Variants in PCDHGA2 observed in about 807,000 individuals in gnomAD.
The protein encoded by PCDHGA2 is protocadherin gamma-A2.
A neutral mutation model predicts 59.2 loss-of-function variants in PCDHGA2; 40 were observed. The ratio of observed to expected loss-of-function variants is 0.68; its 90% CI spans 0.52 to 0.88. The LOEUF is 0.88. PCDHGA2 is among the 40% of genes least tolerant of loss of function. The pLI is 0.00. For synonymous variants in PCDHGA2, 560 were observed against 526.0 expected, an observed-to-expected ratio of 1.06 and a Z score of -0.89; for missense variants, 1,226 against 1,204.0, an observed-to-expected ratio of 1.02 and a Z score of -0.27.
chr5:141,398,747 A>G (rs1046077050), intron 1 of PCDHGA2: 5 of 1,613,378 alleles, frequency 3.1e-6, no homozygotes, highest in Non-Finnish European at 4.2e-6. Flanking sequence ...CAACAGAGTT[A>G]CCATCGTTTA....
chr5:141,484,750 G>GTATA (rs545232987), intron 1 of PCDHGA2, among the ~76,000 whole-genome samples: 1 of 149,818 alleles, frequency 6.7e-6, no homozygotes, highest in Non-Finnish European at 1.5e-5. Context: ...GAAAAAAAAT[G>GTATA]TATATATATA....
intron 1 of PCDHGA2, chr5:141,478,884 C>T (rs767294994): frequency 9.2e-5 from 110 of 1,194,180 alleles, no homozygotes; most frequent in Non-Finnish European, 1.2e-4. Context: ...AGCTTGGTAT[C>T]ATTTACATTA....
chr5:141,485,886 A>G lies in PCDHGA2; in HGVS notation c.2425-8921A>G. 1.9e-6 allele frequency: 3 copies of G among 1,614,132 alleles called. No individual in the cohort carries two copies. Among genetic ancestry groups the G allele is most frequent in the Non-Finnish European group, 2.5e-6 (3 of 1,180,016 alleles). On this transcript the variant is annotated intron_variant, in intron 1 of 3. Transcript: ENST00000394576. This position sits in a 1 kb window ranked among gnomAD's most constrained non-coding sequence, Gnocchi z 5.7. ...GTATCCGTGCTGGACGTAAACGACAACGCCCCAGCCTTCCAGCAATCCAGC... is the reference window on the plus strand; with the variant it reads ...GTATCCGTGCTGGACGTAAACGACAGCGCCCCAGCCTTCCAGCAATCCAGC...
intron 1 of PCDHGA2, among the ~76,000 whole-genome samples, chr5:141,480,875 T>C (rs1285607270): frequency 6.6e-6 from 1 of 152,062 alleles, no homozygotes; most frequent in African/African-American, 2.4e-5. Context: ...TGAAACCCCG[T>C]CTCTACTAAA....
Position 141,469,573 on chromosome 5 carries a change from C to CTAAA in PCDHGA2, c.2425-25217_2425-25214dup, listed in dbSNP as rs1209972534. Among the ~76,000 whole-genome samples the CTAAA allele has an allele frequency of 1.4e-4, 21 of 151,674 alleles. No individual in the cohort carries two copies. In the East Asian group the frequency reaches 2.3e-3, roughly 17 times the overall value. On this transcript the variant is annotated intron_variant, in intron 1 of 3. Coordinates refer to ENST00000394576, the MANE Select transcript of PCDHGA2 (RefSeq NM_018915.4). ...CTGGCGACAGAGTGAGACTCTGTCT[C>CTAAA]TAAATAAATAAATAAATAAAACAAA...
chr5:141,417,833 G>A (rs968698994), intron 1 of PCDHGA2: 8 of 1,529,614 alleles, frequency 5.2e-6, no homozygotes, highest in Middle Eastern at 1.7e-4. Context: ...TGGAAAAGCG[G>A]GGACCCAGCG....
At position 141,511,426 on chromosome 5, in the gene PCDHGA2, G is replaced by C. The variant is rs2099883789; in HGVS notation, c.*253G>C. 2.5e-6 allele frequency: 2 copies of C among 798,652 alleles called. No homozygotes were observed. The highest frequency in any genetic ancestry group is 3.8e-6 in the Non-Finnish European group (2 of 529,972). 49.5% of individuals were successfully genotyped at this position (798,652 alleles called of 1,614,324 possible). ...CAACTGCTGTACCCATGGGGGTAGTGGGGTTACTGTAGACACCAAGAACCA... is the reference window on the plus strand; with the variant it reads ...CAACTGCTGTACCCATGGGGGTAGTCGGGTTACTGTAGACACCAAGAACCA... On this transcript the variant is annotated 3_prime_UTR_variant, in exon 4 of 4. Transcript: ENST00000394576.
chr5:141,389,356 C>A (rs188323445), intron 1 of PCDHGA2: 4 of 1,613,916 alleles, frequency 2.5e-6, no homozygotes, highest in Non-Finnish European at 3.4e-6. Flanking sequence ...TGCATCATGG[C>A]CAGTGACCTG....
chr5:141,357,110 C>T (rs570147053), intron 1 of PCDHGA2: 1 of 1,613,828 alleles, frequency 6.2e-7, no homozygotes, highest in East Asian at 2.2e-5. Flanking sequence ...GACAGAGACG[C>T]GCTCAAGCAG....
rs185786686 is a variant in PCDHGA2 at position 141,384,098 on chromosome 5, A to G, written c.2424+42703A>G. 9.4e-3 allele frequency: 14,953 copies of G among 1,596,884 alleles called. 110 individuals carry two copies. The highest frequency in any genetic ancestry group is 0.01 in the Non-Finnish European group (12,057 of 1,171,020). On this transcript the variant is annotated intron_variant, in intron 1 of 3. Transcript: ENST00000394576. ...TTTAAATTAGAAAAATCAATAGATA[A>G]TTATTATAGATTGGTCACAACCAAA... is the stretch of plus-strand genomic sequence containing the variant.
At chr5:141,466,022 T>C (rs1053231186) in intron 1 of PCDHGA2, among the ~76,000 whole-genome samples, 4 of 151,628 alleles carry the variant, frequency 2.6e-5, no homozygotes, top group African/African-American at 9.7e-5. Flanking sequence ...CTCGGGAGGG[T>C]GAGGCAGGAG....
intron 1 of PCDHGA2, chr5:141,419,303 G>A (rs1561779463): frequency 1.2e-6 from 2 of 1,613,970 alleles, no homozygotes; most frequent in Non-Finnish European, 1.7e-6. Flanking sequence ...CCCAGACTTC[G>A]GGCTCAACGG....
intron 1 of PCDHGA2, chr5:141,356,408 GGTTGTT>G: frequency 3.8e-6 from 6 of 1,595,544 alleles, no homozygotes; most frequent in Non-Finnish European, 5.1e-6. Flanking sequence ...AATTATTATC[GGTTGTT>G]GACACACAGA....
chr5:141,403,200 C>T (rs765799006), intron 1 of PCDHGA2: 1 of 1,613,982 alleles, frequency 6.2e-7, no homozygotes, highest in South Asian at 1.1e-5. Flanking sequence ...CGCAGCGGCA[C>T]CTTGGTCACC....
At chr5:141,504,990 C>T (rs1056476591) in intron 2 of PCDHGA2, among the ~76,000 whole-genome samples, 3 of 151,976 alleles carry the variant, frequency 2.0e-5, no homozygotes, top group Non-Finnish European at 2.9e-5. Context: ...GGTGAAACCC[C>T]GTCTGTACTA....
At chr5:141,462,335 A>G in intron 1 of PCDHGA2, among the ~76,000 whole-genome samples, 1 of 152,220 alleles carries the variant, frequency 6.6e-6, no homozygotes, top group East Asian at 1.9e-4. Context: ...ATTTAATTGT[A>G]TTGTGATCCA....
Position 141,386,264 on chromosome 5 carries a change from A to T in PCDHGA2, c.2424+44869A>T, listed in dbSNP as rs115810695. Among the ~76,000 whole-genome samples the T allele has an allele frequency of 6.0e-3, 910 of 152,346 alleles. 6 individuals are homozygous for T. Among genetic ancestry groups the T allele is most frequent in the African/African-American group, 0.02 (846 of 41,566 alleles). On this transcript the variant is annotated intron_variant, in intron 1 of 3. Coordinates refer to ENST00000394576, the MANE Select transcript of PCDHGA2 (RefSeq NM_018915.4). ...TTGGAAATAACCCAATCTGGGATTA[A>T]CTACTTCCATATTCTTTTGTATAAC...
chr5:141,489,558 G>A lies in PCDHGA2; in HGVS notation c.2425-5249G>A. On this transcript the variant is annotated intron_variant, in intron 1 of 3. Coordinates refer to ENST00000394576, the MANE Select transcript of PCDHGA2 (RefSeq NM_018915.4). The surrounding 1 kb of genome is among the most constrained non-coding windows in gnomAD (Gnocchi z 4.5). ...CCAGCACCAGCTGCCTGCTGCCAGT[G>A]CAGGTGGTGACTGAACACCCCCTGG... 1 of 1,614,130 alleles carries A rather than the reference G, an allele frequency of 6.2e-7. No individual in the cohort carries two copies. Among genetic ancestry groups the A allele is most frequent in the Non-Finnish European group, 8.5e-7 (1 of 1,180,024 alleles).
At chr5:141,459,149 T>C (rs2098961903) in intron 1 of PCDHGA2, among the ~76,000 whole-genome samples, 1 of 152,234 alleles carries the variant, frequency 6.6e-6, no homozygotes, top group Non-Finnish European at 1.5e-5. Context: ...AATCAAAATA[T>C]AGAACATTTC....
Sources: allele counts gnomAD v4.1 joint callset (sites outside exome capture counted in the v4.1 genomes callset), GRCh38; gene constraint gnomAD v4.1.1; non-coding constraint Gnocchi (gnomAD v3.1); transcripts MANE v1.5; gene names NCBI Gene and HGNC (gene_info 2026-07-23, HGNC 2026-07-21).